Variants in ILRUN observed in about 807,000 individuals in gnomAD.
The protein encoded by ILRUN is inflammation and lipid regulator with UBA-like and NBR1-like domains, also known as protein ILRUN.
ILRUN carries 3 observed loss-of-function variants against 33.8 expected under a neutral mutation model. The ratio of observed to expected loss-of-function variants is 0.09; its 90% CI spans 0.04 to 0.23. ILRUN has a LOEUF of 0.23. Among genes scored for constraint, ILRUN ranks in the 10% least tolerant of loss-of-function variants. ILRUN has a pLI of 1.00. For synonymous variants in ILRUN, 124 were observed against 138.9 expected, an observed-to-expected ratio of 0.89 and a Z score of 0.75; for missense variants, 210 against 375.1, an observed-to-expected ratio of 0.56 and a Z score of 3.64.
At chr6:34,609,247 G>C (rs1005531092) in intron 3 of ILRUN, among the ~76,000 whole-genome samples, 5 of 152,206 alleles carry the variant, frequency 3.3e-5, no homozygotes, top group Non-Finnish European at 7.3e-5. Context: ...CCAACACTTT[G>C]GGAGGCCGAG....
Position 34,654,782 on chromosome 6 carries a change from A to G in ILRUN, c.159-3T>C. On this transcript the variant is annotated splice_polypyrimidine_tract_variant and splice_region_variant and intron_variant, in intron 1 of 4. Coordinates refer to ENST00000374023, the MANE Select transcript of ILRUN (RefSeq NM_024294.4). Reference sequence around the variant, plus strand: ...CGCCAATTGCTGCTTGTAGGTTCCTATAGAAAAAGAGAAAAGGCAACAGAC... The same window carrying G: ...CGCCAATTGCTGCTTGTAGGTTCCTGTAGAAAAAGAGAAAAGGCAACAGAC... The G allele has an allele frequency of 1.2e-6, 2 of 1,609,618 alleles. No individual in the cohort carries two copies. Among genetic ancestry groups the G allele is most frequent in the Non-Finnish European group, 8.5e-7 (1 of 1,178,184 alleles).
intron 2 of ILRUN, among the ~76,000 whole-genome samples, chr6:34,653,438 CT>C (rs1762710296): frequency 6.6e-6 from 1 of 152,040 alleles, no homozygotes; most frequent in Admixed American, 6.6e-5. Flanking sequence ...GTTGGCCCAA[CT>C]GGTCTCCAAC....
intron 3 of ILRUN, among the ~76,000 whole-genome samples, chr6:34,611,031 T>A (rs543174857): frequency 2.8e-4 from 41 of 148,602 alleles, no homozygotes; most frequent in Non-Finnish European, 5.5e-4. Flanking sequence ...GGCAACACAG[T>A]GAGACTTCTT....
intron 3 of ILRUN, among the ~76,000 whole-genome samples, chr6:34,628,757 C>T (rs1762189821): frequency 6.6e-6 from 1 of 151,954 alleles, no homozygotes; most frequent in Non-Finnish European, 1.5e-5. Flanking sequence ...ATTAGGGTAA[C>T]GTTGGCCTCA....
chr6:34,642,756 AGGAG>A (rs1466606168), intron 3 of ILRUN, among the ~76,000 whole-genome samples: 1 of 137,164 alleles, frequency 7.3e-6, no homozygotes, highest in Admixed American at 8.2e-5. Flanking sequence ...TAGGAGGCTG[AGGAG>A]GGAGGACCAC....
At chr6:34,616,955 A>C in intron 3 of ILRUN, 1 of 564,956 alleles carries the variant, frequency 1.8e-6, no homozygotes, top group Non-Finnish European at 3.4e-6. Flanking sequence ...CCCAAATCTG[A>C]AGTCAGTAAA....
chr6:34,659,605 T>C (rs1030029971), intron 1 of ILRUN, among the ~76,000 whole-genome samples: 5 of 148,744 alleles, frequency 3.4e-5, no homozygotes, highest in African/African-American at 9.9e-5. Context: ...TATATATACA[T>C]ACATAAGGCA....
intron 2 of ILRUN, among the ~76,000 whole-genome samples, chr6:34,649,152 AG>A (rs1407200518): frequency 6.6e-6 from 1 of 152,350 alleles, no homozygotes; most frequent in African/African-American, 2.4e-5. Flanking sequence ...ACAACTCTGA[AG>A]TGTTCATTGG....
intron 1 of ILRUN, among the ~76,000 whole-genome samples, chr6:34,688,826 A>C (rs1157052789): frequency 3.3e-5 from 5 of 152,026 alleles, no homozygotes; most frequent in African/African-American, 1.2e-4. Context: ...ACACAAAAGG[A>C]CAAATTCTAT....
chr6:34,650,670 T>C (rs1230750614), intron 2 of ILRUN, among the ~76,000 whole-genome samples: 1 of 151,906 alleles, frequency 6.6e-6, no homozygotes, highest in Admixed American at 6.6e-5. Flanking sequence ...AGGCTGGTCT[T>C]GAACTCCTGA....
intron 4 of ILRUN, among the ~76,000 whole-genome samples, chr6:34,604,978 T>C (rs1761594361): frequency 6.6e-6 from 1 of 152,154 alleles, no homozygotes; most frequent in South Asian, 2.1e-4. Context: ...CATCACCAGG[T>C]TTCTTAATTT....
chr6:34,682,095 G>A (rs537551106), intron 1 of ILRUN, among the ~76,000 whole-genome samples: 62 of 143,554 alleles, frequency 4.3e-4, no homozygotes, highest in Non-Finnish European at 7.4e-4. Context: ...GGCTGGTCTC[G>A]AACTCCTGAC....
chr6:34,624,562 G>A (rs1762076758), intron 3 of ILRUN, among the ~76,000 whole-genome samples: 1 of 151,618 alleles, frequency 6.6e-6, no homozygotes, highest in Non-Finnish European at 1.5e-5. Context: ...TCGAACTCCT[G>A]ACCTCAGGTG....
chr6:34,685,782 AAAAGT>A (rs1427722256), intron 1 of ILRUN: 1 of 152,182 alleles, frequency 6.6e-6, no homozygotes, highest in African/African-American at 2.4e-5. Context: ...TATATTTACT[AAAAGT>A]AAAGGATATA....
intron 1 of ILRUN, among the ~76,000 whole-genome samples, chr6:34,695,444 T>C (rs887268620): frequency 8.5e-5 from 13 of 152,212 alleles, no homozygotes; most frequent in Admixed American, 7.9e-4. Context: ...AGGGGAAGCG[T>C]TGCTTAACAA....
chr6:34,658,706 C>T (rs1279175871), intron 1 of ILRUN, among the ~76,000 whole-genome samples: 3 of 151,872 alleles, frequency 2.0e-5, no homozygotes, highest in Non-Finnish European at 4.4e-5. Flanking sequence ...ACTTGGGAGG[C>T]TGGGTCAGGA....
At chr6:34,666,378 G>A (rs1763005741) in intron 1 of ILRUN, among the ~76,000 whole-genome samples, 1 of 152,136 alleles carries the variant, frequency 6.6e-6, no homozygotes, top group African/African-American at 2.4e-5. Flanking sequence ...TGACCAACAT[G>A]GAGAAACCCC....
chr6:34,683,451 TAC>T (rs1235009218), intron 1 of ILRUN, among the ~76,000 whole-genome samples: 41 of 99,252 alleles, frequency 4.1e-4, no homozygotes, highest in African/African-American at 1.0e-3. Flanking sequence ...CATATATATA[TAC>T]ATATATATAC....
At chr6:34,601,667 A>C (rs1327512095) in intron 4 of ILRUN, among the ~76,000 whole-genome samples, 1 of 151,950 alleles carries the variant, frequency 6.6e-6, no homozygotes, top group Non-Finnish European at 1.5e-5. Flanking sequence ...GGCCCATAGA[A>C]CAAAAGATCT....
Sources: gnomAD v4.1 joint callset for allele counts (sites outside exome capture counted in the v4.1 genomes callset) on GRCh38, gnomAD v4.1.1 for gene constraint, MANE v1.5 for transcripts, NCBI Gene and HGNC (gene_info 2026-07-23, HGNC 2026-07-21) for gene names.